PRELID2: variants seen among roughly 807,000 people sequenced by gnomAD.
PRELID2 encodes PRELI domain containing 2.
Under a neutral mutation model 28.4 loss-of-function variants are expected in PRELID2, and 25 were observed. The ratio of observed to expected loss-of-function variants is 0.88; its 90% CI spans 0.64 to 1.23. PRELID2 has a LOEUF of 1.23. PRELID2 is among the 50% of genes most tolerant of loss of function. The pLI is 0.00. For synonymous variants in PRELID2, 76 were observed against 71.6 expected, an observed-to-expected ratio of 1.06 and a Z score of -0.31; for missense variants, 201 against 214.4, an observed-to-expected ratio of 0.94 and a Z score of 0.39.
At chr5:145,703,561 A>C (rs1008249005) in intron 1 of PRELID2, among the ~76,000 whole-genome samples, 4 of 152,230 alleles carry the variant, frequency 2.6e-5, no homozygotes, top group Admixed American at 2.0e-4. Flanking sequence ...GATCCCTTTC[A>C]TTGTCTTGAA....
the PRELID2 span, among the ~76,000 whole-genome samples, chr5:145,405,334 C>A: frequency 6.6e-6 from 1 of 152,100 alleles, no homozygotes; most frequent in Admixed American, 6.5e-5. Flanking sequence ...TGGGTCCCCA[C>A]CTATGTTAGT....
Position 145,835,172 on chromosome 5 carries a change from G to T in PRELID2, c.75+5C>A. On this transcript the variant is annotated splice_donor_5th_base_variant and intron_variant, in intron 1 of 6. Coordinates refer to ENST00000683046, the MANE Select transcript of PRELID2 (RefSeq NM_205846.3). ...GGGATACGGAAGGTGGAAGCGGGGC[G>T]GTACCTTTCGGAGAAAGCTGGCGAC... 1 of 1,544,836 alleles carries T rather than the reference G, an allele frequency of 6.5e-7. No individual in the cohort carries two copies. Among genetic ancestry groups the T allele is most frequent in the Non-Finnish European group, 8.8e-7 (1 of 1,141,644 alleles).
chr5:145,461,598 G>A, the PRELID2 span, among the ~76,000 whole-genome samples: 6 of 152,216 alleles, frequency 3.9e-5, no homozygotes, highest in East Asian at 1.9e-4. Context: ...CATCGTGCCC[G>A]GCCTTAACTT....
At chr5:145,524,749 C>A (rs927722405) in intron 1 of PRELID2, among the ~76,000 whole-genome samples, 5 of 152,202 alleles carry the variant, frequency 3.3e-5, no homozygotes, top group African/African-American at 1.2e-4. Flanking sequence ...TAACTCGGAA[C>A]CAACCAACCA....
the PRELID2 span, among the ~76,000 whole-genome samples, chr5:145,325,921 G>T: frequency 6.6e-6 from 1 of 152,148 alleles, no homozygotes; most frequent in Admixed American, 6.5e-5. Context: ...TTCCACTCCT[G>T]TCATGACAGA....
chr5:145,520,531 A>C (rs1332226318), intron 1 of PRELID2, among the ~76,000 whole-genome samples: 3 of 152,052 alleles, frequency 2.0e-5, no homozygotes, highest in Non-Finnish European at 2.9e-5. Flanking sequence ...TCATCCCCTG[A>C]ATGTGCTGCC....
chr5:145,410,413 T>C, the PRELID2 span, among the ~76,000 whole-genome samples: 2 of 152,200 alleles, frequency 1.3e-5, no homozygotes, highest in East Asian at 3.8e-4. Flanking sequence ...GCAAACTATG[T>C]GTATTAGTCC....
the PRELID2 span, among the ~76,000 whole-genome samples, chr5:145,343,098 G>A: frequency 5.9e-5 from 9 of 151,596 alleles, no homozygotes; most frequent in Non-Finnish European, 1.0e-4. Flanking sequence ...TACTTTCAAC[G>A]TTAGACAGAT....
At chr5:145,489,090 T>C (rs947374658) in intron 1 of PRELID2, among the ~76,000 whole-genome samples, 1 of 152,180 alleles carries the variant, frequency 6.6e-6, no homozygotes, top group Admixed American at 6.5e-5. Context: ...CAGTACCCTA[T>C]CTATGAGTGA....
chr5:145,680,098 C>A (rs1293325454), intron 1 of PRELID2, among the ~76,000 whole-genome samples: 2 of 151,998 alleles, frequency 1.3e-5, no homozygotes, highest in Non-Finnish European at 2.9e-5. Context: ...GAGTCGTGAG[C>A]TAACTCCACC....
At chr5:145,817,268 G>A (rs1293260829) in intron 4 of PRELID2, among the ~76,000 whole-genome samples, 2 of 129,888 alleles carry the variant, frequency 1.5e-5, no homozygotes, top group Non-Finnish European at 3.4e-5. Flanking sequence ...TAACATAAAG[G>A]ATCATATACA....
chr5:145,743,939 G>C (rs1756915105), intron 1 of PRELID2, among the ~76,000 whole-genome samples: 4 of 152,242 alleles, frequency 2.6e-5, no homozygotes, highest in Admixed American at 2.6e-4. Context: ...CTGGGCCGGG[G>C]AAGGGCAGCG....
intron 4 of PRELID2, among the ~76,000 whole-genome samples, chr5:145,803,524 G>A (rs548488718): frequency 1.3e-5 from 2 of 152,218 alleles, no homozygotes; most frequent in South Asian, 4.1e-4. Context: ...CACCCACGTA[G>A]TAAGTTCCTG....
the PRELID2 span, among the ~76,000 whole-genome samples, chr5:145,241,937 C>T: frequency 1.9e-3 from 285 of 151,810 alleles, no homozygotes; most frequent in African/African-American, 6.5e-3. Context: ...AAAAGAAATG[C>T]TATTGCATAA....
chr5:145,413,002 T>A, the PRELID2 span, among the ~76,000 whole-genome samples: 12 of 152,158 alleles, frequency 7.9e-5, no homozygotes, highest in African/African-American at 2.9e-4. Context: ...TCAATTATCT[T>A]GACCTGTCCC....
At chr5:145,413,478 A>C in the PRELID2 span, among the ~76,000 whole-genome samples, 2 of 152,156 alleles carry the variant, frequency 1.3e-5, no homozygotes, top group African/African-American at 4.8e-5. Context: ...CCCACTACTG[A>C]GTATCTAAAA....
the PRELID2 span, among the ~76,000 whole-genome samples, chr5:145,431,535 C>T: frequency 1.3e-5 from 2 of 152,132 alleles, no homozygotes; most frequent in African/African-American, 4.8e-5. Context: ...TCAAAGTGAA[C>T]ATCATCATCA....
the PRELID2 span, among the ~76,000 whole-genome samples, chr5:145,352,376 G>A: frequency 6.6e-6 from 1 of 152,162 alleles, no homozygotes; most frequent in Non-Finnish European, 1.5e-5. Flanking sequence ...AAGGCTTGGG[G>A]CTTGTACTTT....
intron 5 of PRELID2, among the ~76,000 whole-genome samples, chr5:145,793,591 G>T (rs555863495): frequency 6.6e-6 from 1 of 152,192 alleles, no homozygotes; most frequent in Non-Finnish European, 1.5e-5. Flanking sequence ...AAGTAAGTCA[G>T]AAAAGGCAAA....
Sources: gnomAD v4.1 joint callset for allele counts (sites outside exome capture counted in the v4.1 genomes callset) on GRCh38, gnomAD v4.1.1 for gene constraint, MANE v1.5 for transcripts, NCBI Gene and HGNC (gene_info 2026-07-23, HGNC 2026-07-21) for gene names.